Variants in RAB11FIP4 observed in about 807,000 individuals in gnomAD.
RAB11FIP4 encodes RAB11 family interacting protein 4, also known as rab11 family-interacting protein 4.
In RAB11FIP4, 23 loss-of-function variants were observed where a neutral mutation model predicts 74.3. That is an observed-to-expected ratio of 0.31 (90% CI 0.22 to 0.44). RAB11FIP4 has a LOEUF of 0.44. Ranked by LOEUF, RAB11FIP4 falls within the 20% of genes least tolerant of loss-of-function variation. RAB11FIP4 has a pLI of 1.00. For missense variants in RAB11FIP4, 630 were observed against 863.9 expected (o/e 0.73, Z 3.39); for synonymous variants, 360 against 359.9 (o/e 1.00, Z 0.00).
At position 31,492,329 on chromosome 17, in the gene RAB11FIP4, A is replaced by T. The variant is rs1260735304; in HGVS notation, c.337-25322A>T. On this transcript the variant is annotated intron_variant, in intron 3 of 14. Coordinates refer to ENST00000621161, the MANE Select transcript of RAB11FIP4 (RefSeq NM_032932.6). ...TGTCCAGGTTAGGGCCCCAGATCAT[A>T]TATATGTGTGTACACACACGTGTGT... Among the ~76,000 whole-genome samples the T allele has an allele frequency of 2.0e-5, 3 of 152,146 alleles. No individual in the cohort carries two copies. The South Asian group carries it at 6.2e-4, about 32-fold the overall frequency.
chr17:31,464,430 G>A (rs2071664381), intron 3 of RAB11FIP4, among the ~76,000 whole-genome samples: 1 of 152,064 alleles, frequency 6.6e-6, no homozygotes, highest in African/African-American at 2.4e-5. Context: ...ATGGGGATGG[G>A]GATGGGACAT....
intron 3 of RAB11FIP4, among the ~76,000 whole-genome samples, chr17:31,505,537 T>G (rs1234329885): frequency 3.2e-5 from 2 of 62,504 alleles, no homozygotes; most frequent in East Asian, 5.3e-4. Context: ...TATATAATTA[T>G]TATATATTAT....
At chr17:31,410,222 G>C (rs2151618901) in intron 1 of RAB11FIP4, among the ~76,000 whole-genome samples, 1 of 152,192 alleles carries the variant, frequency 6.6e-6, no homozygotes, top group East Asian at 1.9e-4. Context: ...TTCTGCGCTG[G>C]TTATAGATTA....
chr17:31,507,072 G>A (rs2072364597), intron 3 of RAB11FIP4, among the ~76,000 whole-genome samples: 1 of 152,210 alleles, frequency 6.6e-6, no homozygotes, highest in African/African-American at 2.4e-5. Flanking sequence ...GAGGTCAGGA[G>A]TTTGAGACCA....
chr17:31,401,976 G>A (rs1050175863), intron 1 of RAB11FIP4, among the ~76,000 whole-genome samples: 2 of 151,964 alleles, frequency 1.3e-5, no homozygotes, highest in African/African-American at 2.4e-5. Context: ...TCTGCCTGCC[G>A]GTTCACCTAA....
At chr17:31,415,301 G>A (rs1016781098) in intron 1 of RAB11FIP4, among the ~76,000 whole-genome samples, 1 of 152,198 alleles carries the variant, frequency 6.6e-6, no homozygotes, top group Non-Finnish European at 1.5e-5. Flanking sequence ...GAGGGGAGGG[G>A]CAGGATAGTG....
chr17:31,525,330 G>A, intron 10 of RAB11FIP4, 100 bp downstream of exon 10: 1 of 1,238,838 alleles, frequency 8.1e-7, no homozygotes, highest in Non-Finnish European at 1.1e-6. Context: ...GGGAATGTGA[G>A]GCTGAGGGGC....
chr17:31,436,819 G>A (rs1447602554), intron 3 of RAB11FIP4, among the ~76,000 whole-genome samples: 1 of 144,656 alleles, frequency 6.9e-6, no homozygotes, highest in Non-Finnish European at 1.5e-5. Context: ...ACGGCATCTT[G>A]CTCTATCGCC....
Position 31,531,823 on chromosome 17 carries a change from C to CA in RAB11FIP4, c.*92dup. ...GCAGGCCTAAGCCGGGCCTCACACTCACACTGTAAATGTCTCTCTGGCCAC... is the reference window on the plus strand; with the variant it reads ...GCAGGCCTAAGCCGGGCCTCACACTCAACACTGTAAATGTCTCTCTGGCCAC... On this transcript the variant is annotated 3_prime_UTR_variant, in exon 15 of 15. Coordinates refer to ENST00000621161, the MANE Select transcript of RAB11FIP4 (RefSeq NM_032932.6). 1 of 808,690 alleles carries CA rather than the reference C, an allele frequency of 1.2e-6. No individual in the cohort carries two copies. Among genetic ancestry groups the CA allele is most frequent in the Non-Finnish European group, 2.1e-6 (1 of 472,566 alleles). 50.1% of individuals were successfully genotyped at this position (808,690 alleles called of 1,614,324 possible). A position where few individuals can be genotyped will look rare whatever the true frequency, so the allele number is the denominator to read the frequency against.
chr17:31,419,287 GTT>G (rs61327359), intron 1 of RAB11FIP4, among the ~76,000 whole-genome samples: 1 of 137,738 alleles, frequency 7.3e-6, no homozygotes, highest in Non-Finnish European at 1.6e-5. Flanking sequence ...GAGTTTTTTT[GTT>G]TTTTTTTTTT....
chr17:31,473,531 ACT>A (rs886256966), intron 3 of RAB11FIP4, among the ~76,000 whole-genome samples: 8 of 152,106 alleles, frequency 5.3e-5, no homozygotes, highest in Admixed American at 2.6e-4. Context: ...ACAGAGTGAG[ACT>A]CTGTCTCAAA....
intron 3 of RAB11FIP4, among the ~76,000 whole-genome samples, chr17:31,475,593 T>C (rs1597939655): frequency 6.6e-6 from 1 of 152,192 alleles, no homozygotes; most frequent in Non-Finnish European, 1.5e-5. Context: ...TGAAATTCAT[T>C]TGTAACACCA....
intron 1 of RAB11FIP4, among the ~76,000 whole-genome samples, chr17:31,410,639 G>A (rs114573967): frequency 0.017 from 2,618 of 152,246 alleles, 69 homozygotes; most frequent in African/African-American, 0.057. Context: ...GGGGCATGGT[G>A]TCACACCCTT....
intron 3 of RAB11FIP4, among the ~76,000 whole-genome samples, chr17:31,506,491 C>T (rs115851856): frequency 0.028 from 4,327 of 152,230 alleles, 174 homozygotes; most frequent in African/African-American, 0.098. Flanking sequence ...ACTTAGTCCT[C>T]CCATCTGACT....
chr17:31,394,999 T>C (rs1442072642), intron 1 of RAB11FIP4, among the ~76,000 whole-genome samples: 1 of 152,050 alleles, frequency 6.6e-6, no homozygotes, highest in Non-Finnish European at 1.5e-5. Context: ...TTTATTTGTT[T>C]TAAAATCAGG....
chr17:31,442,819 G>C (rs539048945), intron 3 of RAB11FIP4, among the ~76,000 whole-genome samples: 5 of 152,156 alleles, frequency 3.3e-5, no homozygotes, highest in Admixed American at 3.3e-4. Flanking sequence ...AATTAGCCAG[G>C]CGTGATAGCG....
chr17:31,521,734 T>C (rs1567690588), intron 5 of RAB11FIP4, 181 bp from the exon 6 acceptor site: 6 of 692,138 alleles, frequency 8.7e-6, no homozygotes, highest in Non-Finnish European at 1.4e-5. Context: ...TATGCCTCAC[T>C]GGCTTCTCTT....
intron 10 of RAB11FIP4, 74 bp downstream of exon 10, chr17:31,525,304 T>C: frequency 1.4e-6 from 2 of 1,419,462 alleles, no homozygotes; most frequent in Non-Finnish European, 1.9e-6. Context: ...ATAGGCGCTA[T>C]CCCCATTTTA....
intron 3 of RAB11FIP4, among the ~76,000 whole-genome samples, chr17:31,500,598 A>G (rs1468697669): frequency 3.3e-5 from 5 of 152,234 alleles, no homozygotes; most frequent in Non-Finnish European, 4.4e-5. Flanking sequence ...TACCTTTTAC[A>G]TTTGTCTTAT....
Sources: allele counts gnomAD v4.1 joint callset (sites outside exome capture counted in the v4.1 genomes callset), GRCh38; gene constraint gnomAD v4.1.1; transcripts MANE v1.5; gene names NCBI Gene and HGNC (gene_info 2026-07-23, HGNC 2026-07-21).